The following TCF7L2 variants were observed in gnomAD, a reference collection of about 807,000 sequenced individuals.
TCF7L2 encodes the protein transcription factor 7-like 2.
Under a neutral mutation model 77.9 loss-of-function variants are expected in TCF7L2, and 23 were observed. That is an observed-to-expected ratio of 0.30 (90% CI 0.21 to 0.42). TCF7L2 has a LOEUF of 0.42. Ranked by LOEUF, TCF7L2 falls within the 10% of genes least tolerant of loss-of-function variation. The probability of loss-of-function intolerance (pLI) is 1.00; values close to 1 mark genes in which losing one functional copy is unlikely to be tolerated. For synonymous variants in TCF7L2, 413 were observed against 340.2 expected, an observed-to-expected ratio of 1.21 and a Z score of -2.36; for missense variants, 654 against 793.1, an observed-to-expected ratio of 0.82 and a Z score of 2.11.
At chr10:113,044,418 G>A (rs1304720579) in intron 5 of TCF7L2, among the ~76,000 whole-genome samples, 1 of 152,188 alleles carries the variant, frequency 6.6e-6, no homozygotes, top group Non-Finnish European at 1.5e-5. Flanking sequence ...CACCCTCTTG[G>A]TTATTAAACA....
chr10:112,970,299 T>C (rs2037955749), intron 4 of TCF7L2, among the ~76,000 whole-genome samples: 1 of 151,910 alleles, frequency 6.6e-6, no homozygotes, highest in African/African-American at 2.4e-5. Context: ...TGGGGGTTAC[T>C]TTCCCTCTTG....
At chr10:113,127,954 C>T (rs932192023) in intron 5 of TCF7L2, among the ~76,000 whole-genome samples, 5 of 150,162 alleles carry the variant, frequency 3.3e-5, no homozygotes, top group Admixed American at 6.7e-5. Flanking sequence ...TCCTGTTTGC[C>T]GCACTTTATA....
At chr10:112,971,618 CT>C (rs1254113400) in intron 4 of TCF7L2, among the ~76,000 whole-genome samples, 92 of 132,916 alleles carry the variant, frequency 6.9e-4, no homozygotes, top group Middle Eastern at 4.6e-3. Flanking sequence ...ACAGGAGTTA[CT>C]TTTTTTTTTT....
At chr10:113,107,019 G>A (rs1591768593) in intron 5 of TCF7L2, among the ~76,000 whole-genome samples, 2 of 152,178 alleles carry the variant, frequency 1.3e-5, no homozygotes, top group South Asian at 2.1e-4. Flanking sequence ...TAATTTTTGC[G>A]AAGAGCTGTC....
intron 5 of TCF7L2, among the ~76,000 whole-genome samples, chr10:113,065,237 T>C (rs1374913368): frequency 2.0e-5 from 3 of 152,234 alleles, no homozygotes; most frequent in African/African-American, 4.8e-5. Context: ...ACCTCATGAA[T>C]AGGCAAAAGG....
intron 5 of TCF7L2, among the ~76,000 whole-genome samples, chr10:113,104,465 G>A (rs144416600): frequency 8.5e-5 from 13 of 152,196 alleles, no homozygotes; most frequent in African/African-American, 3.1e-4. Flanking sequence ...GAAGCACTGG[G>A]GGAAAAGTCT....
chr10:112,981,730 C>T (rs2040509766), intron 4 of TCF7L2, among the ~76,000 whole-genome samples: 1 of 152,226 alleles, frequency 6.6e-6, no homozygotes, highest in African/African-American at 2.4e-5. Context: ...TGATTTCGGC[C>T]TCAGTGGTTC....
At chr10:113,105,287 G>A (rs1298724569) in intron 5 of TCF7L2, among the ~76,000 whole-genome samples, 1 of 152,152 alleles carries the variant, frequency 6.6e-6, no homozygotes, top group Admixed American at 6.5e-5. Flanking sequence ...CAGGAGTAAC[G>A]GCTTGAGTCG....
At position 112,964,578 on chromosome 10, in the gene TCF7L2, C is replaced by G. The variant is rs756916721; in HGVS notation, c.404C>G (p.Thr135Arg). Residue 135 changes from threonine (T) to arginine (R), a missense_variant, in exon 4 of 14, where the codon ACA becomes AGA. Thr to Arg is a moderately conservative substitution (Grantham distance 71, BLOSUM62 -1). Around this residue, in one of 6 missense-constraint regions of TCF7L2, gnomAD observed 132 missense variants for 123.7 expected, o/e 1.07. Coordinates refer to ENST00000627217, the MANE Select transcript of TCF7L2 (RefSeq NM_001146274.2). ...CAGCTCCATTTTCAGTCCGGCAGCA[C>G]ACATTACTCTGCGTACAAAACGATT... 4.3e-6 allele frequency: 7 copies of G among 1,613,412 alleles called. No individual in the cohort carries two copies. The African/African-American group carries it at 9.3e-5, about 22-fold the overall frequency.
intron 3 of TCF7L2, among the ~76,000 whole-genome samples, chr10:112,960,193 A>T (rs1023200134): frequency 1.5e-4 from 23 of 152,312 alleles, no homozygotes; most frequent in African/African-American, 4.8e-4. Flanking sequence ...GGTTGAAAAA[A>T]GCTGTTTCCC....
intron 4 of TCF7L2, among the ~76,000 whole-genome samples, chr10:113,025,780 A>G (rs889566015): frequency 6.6e-6 from 1 of 152,170 alleles, no homozygotes; most frequent in Admixed American, 6.5e-5. Context: ...GGAGGCGTAG[A>G]GAGGTAAAAT....
intron 5 of TCF7L2, among the ~76,000 whole-genome samples, chr10:113,061,680 A>G (rs2056465329): frequency 6.6e-6 from 1 of 152,242 alleles, no homozygotes; most frequent in Non-Finnish European, 1.5e-5. Flanking sequence ...CAGTGAATTA[A>G]GTGCCTGCTT....
intron 5 of TCF7L2, among the ~76,000 whole-genome samples, chr10:113,064,271 C>T (rs998582627): frequency 1.3e-5 from 2 of 152,088 alleles, no homozygotes; most frequent in Non-Finnish European, 2.9e-5. Context: ...GGGGCCAGGC[C>T]CAAATGGTGG....
chr10:113,094,592 C>G (rs2060745238), intron 5 of TCF7L2, among the ~76,000 whole-genome samples: 1 of 152,194 alleles, frequency 6.6e-6, no homozygotes, highest in Admixed American at 6.5e-5. Flanking sequence ...AATACCCCTC[C>G]AAGACAAAGT....
In TCF7L2 at chr10:113,021,252, A is replaced by G. The variant is rs1454421398; in HGVS notation, c.451-18773A>G. Among the ~76,000 whole-genome samples the G allele has an allele frequency of 2.0e-5, 3 of 152,208 alleles. No homozygotes were observed. The East Asian group carries it at 5.8e-4, about 29-fold the overall frequency. ...CTGAAAACTCATCCGGAAAATGGGTAAAATATCAGAGTGCATTCTGTATGG... is the reference window on the plus strand; with the variant it reads ...CTGAAAACTCATCCGGAAAATGGGTGAAATATCAGAGTGCATTCTGTATGG... On this transcript the variant is annotated intron_variant, in intron 4 of 13. Transcript: ENST00000627217.
chr10:112,989,426 C>G lies in TCF7L2; in HGVS notation c.450+24802C>G, dbSNP rs74159630. ...GTTACATGCTGGGTTTCTTCTATGT[C>G]CTAGAAACTGTCTTAATTCATCTTC... is the stretch of plus-strand genomic sequence containing the variant. On this transcript the variant is annotated intron_variant, in intron 4 of 13. Coordinates refer to ENST00000627217, the MANE Select transcript of TCF7L2 (RefSeq NM_001146274.2). 5.3e-3 allele frequency among the ~76,000 whole-genome samples: 802 copies of G among 151,852 alleles called. 4 individuals are homozygous for G. The highest frequency in any genetic ancestry group is 0.018 in the African/African-American group (762 of 41,398).
chr10:113,065,965 T>C (rs1457072567), intron 5 of TCF7L2, among the ~76,000 whole-genome samples: 1 of 152,158 alleles, frequency 6.6e-6, no homozygotes, highest in Non-Finnish European at 1.5e-5. Flanking sequence ...TTTGTGTCCG[T>C]GCATGAAAGC....
chr10:113,011,656 G>A (rs138757691), intron 4 of TCF7L2, among the ~76,000 whole-genome samples: 2 of 147,964 alleles, frequency 1.4e-5, no homozygotes, highest in Non-Finnish European at 2.9e-5. Flanking sequence ...TACCTTGAGT[G>A]TTGCTGTTGA....
chr10:113,098,049 C>CAA lies in TCF7L2; in HGVS notation c.553-43112_553-43111dup, dbSNP rs34632183. Among the ~76,000 whole-genome samples the CAA allele has an allele frequency of 5.1e-3, 299 of 59,086 alleles. 1 individual carries two copies. The highest frequency in any genetic ancestry group is 4.7e-3 in the Non-Finnish European group (151 of 32,174). The allele number at this position is 59,086 out of a possible 152,430, so 38.8% of individuals were successfully genotyped here. On this transcript the variant is annotated intron_variant, in intron 5 of 13. Coordinates refer to ENST00000627217, the MANE Select transcript of TCF7L2 (RefSeq NM_001146274.2). ...TGGGTGACAGAGTGAGACTCTGTCT[C>CAA]AAAAAAAAAAAAAAAAAAAAAAAAG...
Sources: gnomAD v4.1 joint callset for allele counts (sites outside exome capture counted in the v4.1 genomes callset) on GRCh38, gnomAD v4.1.1 for gene constraint, gnomAD v4.1.1 regional missense constraint, MANE v1.5 for transcripts, NCBI Gene and HGNC (gene_info 2026-07-23, HGNC 2026-07-21) for gene names.